The following VIT variants were observed in gnomAD, a reference collection of about 807,000 sequenced individuals.
VIT encodes vitrin.
VIT carries 99 observed loss-of-function variants against 78.0 expected under a neutral mutation model. That is an observed-to-expected ratio of 1.27 (90% CI 1.08 to 1.50). VIT has a LOEUF of 1.50. Among genes scored for constraint, VIT ranks in the 40% most tolerant of loss-of-function variants. VIT has a pLI of 0.00. For synonymous variants in VIT, 374 were observed against 334.3 expected, an observed-to-expected ratio of 1.12 and a Z score of -1.29; for missense variants, 1,126 against 875.3, an observed-to-expected ratio of 1.29 and a Z score of -3.61.
At chr2:36,783,445 C>G in intron 11 of VIT, 43 bp downstream of exon 11, 1 of 1,592,332 alleles carries the variant, frequency 6.3e-7, no homozygotes, top group Non-Finnish European at 8.6e-7. Flanking sequence ...TCTTTGACAT[C>G]TGAACTGCTC....
chr2:36,805,249 A>G (rs1381718755), intron 13 of VIT, among the ~76,000 whole-genome samples, 189 bp from the exon 14 acceptor site: 3 of 146,038 alleles, frequency 2.1e-5, no homozygotes, highest in Non-Finnish European at 3.0e-5. Flanking sequence ...GGCTGTAGTG[A>G]GCTGTGATCG....
intron 9 of VIT, among the ~76,000 whole-genome samples, chr2:36,777,050 C>T (rs189358871): frequency 0.024 from 3,361 of 141,826 alleles, 84 homozygotes; most frequent in Non-Finnish European, 0.037. Context: ...GATCACGCCA[C>T]TGCACTCCAG....
At chr2:36,780,051 G>C (rs905133107) in intron 9 of VIT, among the ~76,000 whole-genome samples, 1 of 152,184 alleles carries the variant, frequency 6.6e-6, no homozygotes, top group African/African-American at 2.4e-5. Context: ...GAATACAAAT[G>C]TTCTCACAAA....
In VIT at chr2:36,756,576, C is replaced by G. The variant is rs531844384; in HGVS notation, c.409+1522C>G. On this transcript the variant is annotated intron_variant, in intron 5 of 15. Coordinates refer to ENST00000379242, the MANE Select transcript of VIT (RefSeq NM_053276.4). ...AGCAGGACAACAAACAGACCTTTTACTATTCTTCTCAACTTGAGCAATCCA... is the reference window on the plus strand; with the variant it reads ...AGCAGGACAACAAACAGACCTTTTAGTATTCTTCTCAACTTGAGCAATCCA... Among the ~76,000 whole-genome samples, 34 of 152,326 alleles carry G rather than the reference C, an allele frequency of 2.2e-4. 1 individual carries two copies. Among genetic ancestry groups the G allele is most frequent in the African/African-American group, 7.0e-4 (29 of 41,594 alleles).
intron 5 of VIT, 25 bp from the exon 6 acceptor site, chr2:36,758,943 TC>T: frequency 6.3e-7 from 1 of 1,578,838 alleles, no homozygotes; most frequent in Non-Finnish European, 8.7e-7. Flanking sequence ...GAAATAAATC[TC>T]GTTTTTTTTT....
chr2:36,749,819 G>A (rs995016564), intron 4 of VIT, among the ~76,000 whole-genome samples: 2 of 152,102 alleles, frequency 1.3e-5, no homozygotes, highest in Non-Finnish European at 2.9e-5. Context: ...CACATAAGTG[G>A]GTTGATTGTT....
intron 12 of VIT, among the ~76,000 whole-genome samples, chr2:36,795,068 C>A (rs1665771569): frequency 1.3e-5 from 2 of 152,028 alleles, no homozygotes; most frequent in African/African-American, 4.8e-5. Flanking sequence ...TTCACAATTA[C>A]CTATTTAGTA....
intron 3 of VIT, among the ~76,000 whole-genome samples, chr2:36,733,750 G>A (rs1337998538): frequency 3.3e-5 from 5 of 152,186 alleles, no homozygotes; most frequent in African/African-American, 1.2e-4. Context: ...CGTTACAGAA[G>A]GCCGGAGCCC....
intron 13 of VIT, among the ~76,000 whole-genome samples, chr2:36,804,636 C>T (rs997381761): frequency 6.6e-6 from 1 of 152,144 alleles, no homozygotes; most frequent in Non-Finnish European, 1.5e-5. Context: ...TCGAGACCAT[C>T]CTGGCCAACA....
chr2:36,706,585 T>C (rs1019964877), intron 1 of VIT, among the ~76,000 whole-genome samples: 1 of 152,106 alleles, frequency 6.6e-6, no homozygotes, highest in African/African-American at 2.4e-5. Flanking sequence ...CCATATGACC[T>C]GCAACTTGGC....
At chr2:36,795,342 CTTATTTTATTTTATTTTATTTTAT>C (rs1665803893) in intron 12 of VIT, among the ~76,000 whole-genome samples, 1 of 148,524 alleles carries the variant, frequency 6.7e-6, no homozygotes, top group African/African-American at 2.5e-5. Flanking sequence ...AACACTCTGC[CTTATTTTATTTTATTTTATTTTAT>C]TTATTTTATT....
intron 12 of VIT, among the ~76,000 whole-genome samples, chr2:36,800,015 T>C (rs1264145709): frequency 1.4e-5 from 2 of 140,942 alleles, no homozygotes; most frequent in Admixed American, 7.3e-5. Flanking sequence ...GCCAGTGTAC[T>C]ACAGCCTGGA....
intron 4 of VIT, among the ~76,000 whole-genome samples, chr2:36,749,636 G>A (rs958706429): frequency 1.3e-5 from 2 of 152,116 alleles, no homozygotes; most frequent in Non-Finnish European, 2.9e-5. Flanking sequence ...CTATTAAAAA[G>A]TATCATAGTG....
chr2:36,804,013 G>A (rs934401678), intron 13 of VIT, among the ~76,000 whole-genome samples: 2 of 152,184 alleles, frequency 1.3e-5, no homozygotes, highest in African/African-American at 4.8e-5. Context: ...AAAACCTGGG[G>A]CTTTCAGTAC....
chr2:36,715,213 C>T (rs560594098), intron 1 of VIT, among the ~76,000 whole-genome samples: 1 of 152,310 alleles, frequency 6.6e-6, no homozygotes, highest in East Asian at 1.9e-4. Context: ...TGCACTTCAA[C>T]AAGAGCCCCA....
At chr2:36,809,884 G>A (rs1391970444) in intron 15 of VIT, among the ~76,000 whole-genome samples, 1 of 151,486 alleles carries the variant, frequency 6.6e-6, no homozygotes, top group Non-Finnish European at 1.5e-5. Flanking sequence ...CCAGCTACTC[G>A]GCAGGCTGAG....
At chr2:36,777,655 G>C (rs537016290) in intron 9 of VIT, among the ~76,000 whole-genome samples, 6 of 152,138 alleles carry the variant, frequency 3.9e-5, no homozygotes, top group African/African-American at 1.4e-4. Flanking sequence ...TACCTCTGTA[G>C]AAGCAGGTCA....
intron 1 of VIT, among the ~76,000 whole-genome samples, chr2:36,698,380 T>C (rs1664801536): frequency 6.6e-6 from 1 of 152,204 alleles, no homozygotes; most frequent in Non-Finnish European, 1.5e-5. Context: ...GGTTTGAGAA[T>C]GGTTCTCAGC....
chr2:36,799,733 T>C lies in VIT; in HGVS notation c.1059-1568T>C, dbSNP rs1242462938. 1.6e-4 allele frequency among the ~76,000 whole-genome samples: 22 copies of C among 135,590 alleles called. No individual in the cohort carries two copies. In the Admixed American group the frequency reaches 1.6e-3, roughly 10 times the overall value. The allele number at this position is 135,590 out of a possible 152,430, so 89.0% of individuals were successfully genotyped here. A position where few individuals can be genotyped will look rare whatever the true frequency, so the allele number is the denominator to read the frequency against. ...CCCTGTCTCTGAAAAAAAAAAAAAG[T>C]CTTCTCCTTCTTGAAAACTTAGTAG... On this transcript the variant is annotated intron_variant, in intron 12 of 15. Coordinates refer to ENST00000379242, the MANE Select transcript of VIT (RefSeq NM_053276.4).
Sources: allele counts gnomAD v4.1 joint callset (sites outside exome capture counted in the v4.1 genomes callset), GRCh38; gene constraint gnomAD v4.1.1; transcripts MANE v1.5; gene names NCBI Gene and HGNC (gene_info 2026-07-23, HGNC 2026-07-21).